TTLL11: variants seen among roughly 807,000 people sequenced by gnomAD.
TTLL11 encodes the protein tubulin polyglutamylase TTLL11.
In TTLL11, 42 loss-of-function variants were observed where a neutral mutation model predicts 51.7. The observed-to-expected ratio is 0.81, with a 90% CI of 0.64 to 1.05. The LOEUF is 1.05. Among genes scored for constraint, TTLL11 ranks in the 50% least tolerant of loss-of-function variants. TTLL11 has a pLI of 0.00. For synonymous variants in TTLL11, 381 were observed against 383.5 expected (o/e 0.99, Z 0.08); for missense variants, 799 against 940.4 (o/e 0.85, Z 1.97).
chr9:122,019,656 G>A (rs1429994658), intron 3 of TTLL11, among the ~76,000 whole-genome samples: 1 of 152,126 alleles, frequency 6.6e-6, no homozygotes, highest in Non-Finnish European at 1.5e-5. Flanking sequence ...TCGTCATGTT[G>A]CCCAGGCTGG....
chr9:122,092,949 G>C lies in TTLL11; in HGVS notation c.200C>G (p.Pro67Arg). ...EEQPKVLAPA[P>R]AQPSAAEEGN... ...CTCCTCAGCCGCACTGGGCTGCGCC[G>C]GGGCCGGGGCCAGGACCTTGGGCTG... Residue 67 changes from proline to arginine, a missense_variant, in exon 1 of 9, where the codon CCG becomes CGG. By Grantham distance (103) the Pro-to-Arg change is moderately radical (BLOSUM62 -2). Transcript: ENST00000321582. 3 of 1,577,810 alleles carry C rather than the reference G, an allele frequency of 1.9e-6. No homozygotes were observed. Among genetic ancestry groups the C allele is most frequent in the Non-Finnish European group, 2.6e-6 (3 of 1,170,336 alleles).
At chr9:122,042,395 G>A (rs1159239352) in intron 1 of TTLL11, among the ~76,000 whole-genome samples, 1 of 152,170 alleles carries the variant, frequency 6.6e-6, no homozygotes, top group Non-Finnish European at 1.5e-5. Flanking sequence ...CTATTACAAT[G>A]GCCAAAGTCC....
intron 6 of TTLL11, among the ~76,000 whole-genome samples, chr9:121,881,865 A>G (rs1838808538): frequency 6.6e-6 from 1 of 152,210 alleles, no homozygotes; most frequent in Non-Finnish European, 1.5e-5. Context: ...AACCACACAG[A>G]GACCTTAAGA....
intron 8 of TTLL11, among the ~76,000 whole-genome samples, chr9:121,836,934 T>G (rs887944480): frequency 2.6e-5 from 4 of 152,238 alleles, no homozygotes; most frequent in African/African-American, 9.6e-5. Context: ...CTGTTTGCAA[T>G]TTCTGGCATA....
chr9:121,849,983 C>G (rs1837621107), intron 8 of TTLL11, among the ~76,000 whole-genome samples: 1 of 152,104 alleles, frequency 6.6e-6, no homozygotes, highest in Non-Finnish European at 1.5e-5. Flanking sequence ...CTCTAGATTA[C>G]TTATAATACC....
At chr9:122,001,799 G>A (rs1204736953) in intron 3 of TTLL11, among the ~76,000 whole-genome samples, 2 of 152,176 alleles carry the variant, frequency 1.3e-5, no homozygotes, top group East Asian at 1.9e-4. Context: ...CCCAGGAACG[G>A]GACACTCAGC....
At chr9:121,916,015 A>G (rs1310152133) in intron 6 of TTLL11, among the ~76,000 whole-genome samples, 1 of 151,734 alleles carries the variant, frequency 6.6e-6, no homozygotes, top group Non-Finnish European at 1.5e-5. Context: ...ACACACACAC[A>G]CACACACACA....
chr9:121,998,540 C>A (rs1292268963), intron 3 of TTLL11, among the ~76,000 whole-genome samples: 1 of 151,986 alleles, frequency 6.6e-6, no homozygotes, highest in Non-Finnish European at 1.5e-5. Context: ...CCCGCCTCGA[C>A]CTCCCAAAGT....
At chr9:121,879,880 G>T (rs6478544) in intron 6 of TTLL11, among the ~76,000 whole-genome samples, 105,441 of 148,642 alleles carry the variant, frequency 0.71, 37,767 homozygotes, top group East Asian at 0.9. Context: ...TGGGAGGATT[G>T]CTTGAACCCG....
chr9:122,019,429 G>A (rs12348783), intron 3 of TTLL11, among the ~76,000 whole-genome samples: 6,693 of 152,114 alleles, frequency 0.044, 175 homozygotes, highest in African/African-American at 0.073. Flanking sequence ...AATCTCATCT[G>A]GGGTCAGATC....
intron 6 of TTLL11, among the ~76,000 whole-genome samples, chr9:121,907,816 TTA>T (rs1453244070): frequency 6.6e-5 from 10 of 152,216 alleles, no homozygotes; most frequent in African/African-American, 2.2e-4. Flanking sequence ...AAGTGGATAT[TTA>T]AAACTATGTT....
At chr9:121,924,673 A>G (rs1333828961) in intron 6 of TTLL11, among the ~76,000 whole-genome samples, 1 of 151,976 alleles carries the variant, frequency 6.6e-6, no homozygotes, top group Non-Finnish European at 1.5e-5. Context: ...CAGGGGTCAC[A>G]GTGAAAACGG....
intron 6 of TTLL11, among the ~76,000 whole-genome samples, chr9:121,953,749 G>C: frequency 6.6e-6 from 1 of 150,446 alleles, no homozygotes; most frequent in East Asian, 2.0e-4. Flanking sequence ...CCACAAAAAA[G>C]TAAGCAAAGC....
intron 8 of TTLL11, among the ~76,000 whole-genome samples, chr9:121,830,659 C>T (rs772125394): frequency 5.9e-5 from 9 of 152,132 alleles, no homozygotes; most frequent in Non-Finnish European, 1.0e-4. Context: ...TCTGAGAAAC[C>T]GCACAGCCCC....
chr9:121,949,394 G>T (rs1424103846), intron 6 of TTLL11, among the ~76,000 whole-genome samples: 1 of 152,178 alleles, frequency 6.6e-6, no homozygotes, highest in Non-Finnish European at 1.5e-5. Flanking sequence ...CAAACTCGTT[G>T]TCTTAGACGG....
chr9:122,035,316 G>T (rs373553119), intron 2 of TTLL11, among the ~76,000 whole-genome samples: 7 of 152,256 alleles, frequency 4.6e-5, no homozygotes, highest in Non-Finnish European at 1.0e-4. Flanking sequence ...TTCCCCTATC[G>T]ATTGGGAAAA....
chr9:121,887,338 G>A (rs1839047204), intron 6 of TTLL11, among the ~76,000 whole-genome samples: 2 of 152,184 alleles, frequency 1.3e-5, no homozygotes, highest in South Asian at 4.2e-4. Context: ...GGAGGTAGCG[G>A]TGGCGATTTC....
chr9:121,874,717 A>G (rs1838498787), intron 6 of TTLL11, among the ~76,000 whole-genome samples: 1 of 151,340 alleles, frequency 6.6e-6, no homozygotes, highest in African/African-American at 2.4e-5. Context: ...AGAGTCAGTG[A>G]TCAGTCCCCT....
chr9:122,014,319 C>T (rs182935148), intron 3 of TTLL11, among the ~76,000 whole-genome samples: 13 of 151,706 alleles, frequency 8.6e-5, no homozygotes, highest in Non-Finnish European at 1.5e-4. Flanking sequence ...GAGCCGAGAT[C>T]GTACCACTGC....
Sources: allele counts gnomAD v4.1 joint callset (sites outside exome capture counted in the v4.1 genomes callset), GRCh38; gene constraint gnomAD v4.1.1; transcripts MANE v1.5; gene names NCBI Gene and HGNC (gene_info 2026-07-23, HGNC 2026-07-21).